The following CEP112 variants were observed in gnomAD, a reference collection of about 807,000 sequenced individuals.
CEP112 encodes the protein centrosomal protein 112.
CEP112 carries 127 observed loss-of-function variants against 153.0 expected under a neutral mutation model. The observed-to-expected ratio is 0.83, with a 90% CI of 0.72 to 0.96. CEP112 has a LOEUF of 0.96. Ranked by LOEUF, CEP112 falls within the 40% of genes least tolerant of loss-of-function variation. The pLI is 0.00. For synonymous variants in CEP112, 358 were observed against 374.4 expected (o/e 0.96, Z 0.51); for missense variants, 1,089 against 1,101.2 (o/e 0.99, Z 0.16).
At chr17:65,701,715 A>G (rs2048640608) in intron 23 of CEP112, among the ~76,000 whole-genome samples, 1 of 151,962 alleles carries the variant, frequency 6.6e-6, no homozygotes, top group African/African-American at 2.4e-5. Flanking sequence ...CAAGTCCAAG[A>G]CTAAACTCAT....
chr17:65,869,068 G>C (rs1424150258), intron 20 of CEP112, among the ~76,000 whole-genome samples: 3 of 152,186 alleles, frequency 2.0e-5, no homozygotes, highest in Non-Finnish European at 2.9e-5. Context: ...CAAGAAACCA[G>C]CCCTTCAGAT....
chr17:65,776,094 G>C (rs887186841), intron 21 of CEP112, among the ~76,000 whole-genome samples: 1 of 152,158 alleles, frequency 6.6e-6, no homozygotes, highest in Non-Finnish European at 1.5e-5. Context: ...CACACAAGTC[G>C]CTGGACTTCT....
At chr17:66,032,271 C>T (rs759649322) in intron 12 of CEP112, among the ~76,000 whole-genome samples, 3 of 150,814 alleles carry the variant, frequency 2.0e-5, no homozygotes, top group Non-Finnish European at 2.9e-5. Context: ...AAAGTGCTGG[C>T]GTTACAGGCA....
chr17:65,676,332 G>GAA (rs60299147), intron 24 of CEP112, among the ~76,000 whole-genome samples: 93 of 126,008 alleles, frequency 7.4e-4, no homozygotes, highest in Middle Eastern at 4.2e-3. Context: ...TGTCTTAAAA[G>GAA]AAAAAAAAAA....
At chr17:65,752,470 T>C (rs2051939847) in intron 21 of CEP112, among the ~76,000 whole-genome samples, 1 of 152,190 alleles carries the variant, frequency 6.6e-6, no homozygotes. Context: ...CAGAAGGGCA[T>C]CAAGGTGTTC....
chr17:65,794,433 T>C (rs919634755), intron 21 of CEP112, among the ~76,000 whole-genome samples: 7 of 152,120 alleles, frequency 4.6e-5, no homozygotes, highest in African/African-American at 1.7e-4. Context: ...CCCTCTATAA[T>C]GCATTTAAAG....
At chr17:66,027,459 T>C in intron 16 of CEP112, 42 bp downstream of exon 16, 1 of 1,326,416 alleles carries the variant, frequency 7.5e-7, no homozygotes, top group Non-Finnish European at 1.0e-6. Flanking sequence ...AATGCCTCAT[T>C]TGCTATTTTA....
At chr17:65,726,082 T>C (rs1491002812) in intron 23 of CEP112, among the ~76,000 whole-genome samples, 1 of 152,162 alleles carries the variant, frequency 6.6e-6, no homozygotes, top group Non-Finnish European at 1.5e-5. Flanking sequence ...TGGCTGGGCA[T>C]GGTGGCTTAG....
intron 4 of CEP112, among the ~76,000 whole-genome samples, chr17:66,173,391 C>T (rs1372092965): frequency 6.6e-6 from 1 of 152,190 alleles, no homozygotes. Flanking sequence ...ATTTTGACAA[C>T]TCATTTAAAA....
At chr17:65,679,129 CTTTTTTTTTTTTTTTTTTTT>C (rs57907674) in intron 24 of CEP112, among the ~76,000 whole-genome samples, 697 of 31,562 alleles carry the variant, frequency 0.022, 3 homozygotes, top group South Asian at 0.041. Flanking sequence ...GTGGTTCAAG[CTTTTTTTTTTTTTTTTTTTT>C]TTTTTTTTTT....
Position 65,948,863 on chromosome 17 carries a change from T to C in CEP112, c.1872+12600A>G, listed in dbSNP as rs548433471. Among the ~76,000 whole-genome samples the C allele has an allele frequency of 2.0e-3, 307 of 152,306 alleles. 1 individual carries two copies. Among genetic ancestry groups the C allele is most frequent in the African/African-American group, 7.0e-3 (293 of 41,590 alleles). ...TCTTTCTAAAACAAACTCAAAGCTT[T>C]TATTTTTTAATTCAAAATCCCACTG... is the stretch of plus-strand genomic sequence containing the variant. On this transcript the variant is annotated intron_variant, in intron 18 of 26. Transcript: ENST00000535342.
intron 4 of CEP112, among the ~76,000 whole-genome samples, chr17:66,153,644 C>A (rs1871967885): frequency 6.6e-6 from 1 of 152,070 alleles, no homozygotes; most frequent in Admixed American, 6.5e-5. Flanking sequence ...AACTGGTGAG[C>A]TAATCCTGAA....
intron 4 of CEP112, among the ~76,000 whole-genome samples, chr17:66,135,628 T>A (rs1409118123): frequency 7.2e-5 from 11 of 152,046 alleles, no homozygotes; most frequent in Non-Finnish European, 1.5e-4. Flanking sequence ...AAAGAAAAAA[T>A]TCAGTACATT....
At chr17:65,655,204 G>T in intron 24 of CEP112, 1 of 786,792 alleles carries the variant, frequency 1.3e-6, no homozygotes, top group Admixed American at 1.7e-5. Context: ...TCTCACTGGC[G>T]CTTGTTGCAA....
In CEP112 at chr17:65,766,621, T is replaced by A. The variant is rs1281258891; in HGVS notation, c.2395-15897A>T. On this transcript the variant is annotated intron_variant, in intron 21 of 26. Transcript: ENST00000535342. ...AACAAAAAATCAAGATCCAATTATA[T>A]GCTTCCTATGAGAGACCCACATTAG... Among the ~76,000 whole-genome samples the A allele has an allele frequency of 3.3e-5, 5 of 151,904 alleles. 1 individual carries two copies. The South Asian group carries it at 1.0e-3, about 32-fold the overall frequency.
chr17:65,812,402 CT>C (rs2056028099), intron 21 of CEP112, among the ~76,000 whole-genome samples: 1 of 152,142 alleles, frequency 6.6e-6, no homozygotes, highest in South Asian at 2.1e-4. Context: ...AGAAAATGGC[CT>C]TTTCCTCCTT....
chr17:66,074,689 C>A (rs1264271591), intron 8 of CEP112, among the ~76,000 whole-genome samples: 2 of 151,748 alleles, frequency 1.3e-5, no homozygotes, highest in Non-Finnish European at 2.9e-5. Flanking sequence ...ATGGTGAAAC[C>A]CCGTCTCTAC....
chr17:65,818,714 A>T (rs1041548801), intron 21 of CEP112, among the ~76,000 whole-genome samples: 3 of 151,920 alleles, frequency 2.0e-5, no homozygotes, highest in Non-Finnish European at 4.4e-5. Context: ...TGGTTATTTA[A>T]CACAGCAGCA....
intron 24 of CEP112, among the ~76,000 whole-genome samples, chr17:65,654,129 C>T (rs1313174660): frequency 6.8e-6 from 1 of 146,600 alleles, no homozygotes; most frequent in African/African-American, 2.6e-5. Context: ...CAAAAAAATG[C>T]TGTAGTACAG....
Sources: gnomAD v4.1 joint callset for allele counts (sites outside exome capture counted in the v4.1 genomes callset) on GRCh38, gnomAD v4.1.1 for gene constraint, MANE v1.5 for transcripts, NCBI Gene and HGNC (gene_info 2026-07-23, HGNC 2026-07-21) for gene names.